Variants in RPS6KA3 observed in about 807,000 individuals in gnomAD.
RPS6KA3 encodes ribosomal protein S6 kinase alpha-3.
A neutral mutation model predicts 67.2 loss-of-function variants in RPS6KA3; 4 were observed. The observed-to-expected ratio is 0.06, with a 90% CI of 0.03 to 0.14. RPS6KA3 has a LOEUF of 0.14. Among genes scored for constraint, RPS6KA3 ranks in the 10% least tolerant of loss-of-function variants. RPS6KA3 has a pLI of 1.00. For synonymous variants in RPS6KA3, 182 were observed against 183.7 expected (o/e 0.99, Z 0.07); for missense variants, 204 against 559.0 (o/e 0.36, Z 6.40).
intron 7 of RPS6KA3, among the ~76,000 whole-genome samples, chrX:20,192,098 A>G (rs898844869): frequency 4.5e-5 from 5 of 111,949 alleles, no homozygotes; most frequent in African/African-American, 9.7e-5. Flanking sequence ...TTACAACTCA[A>G]TAAAGCTGTT....
intron 2 of RPS6KA3, among the ~76,000 whole-genome samples, chrX:20,213,489 C>T (rs900503331): frequency 2.7e-5 from 3 of 111,159 alleles, no homozygotes; most frequent in Non-Finnish European, 3.8e-5. Flanking sequence ...CTAACTCTTC[C>T]CTTTGCAAAA....
intron 4 of RPS6KA3, among the ~76,000 whole-genome samples, chrX:20,197,619 C>A (rs1445930543): frequency 1.8e-5 from 2 of 111,704 alleles, no homozygotes; most frequent in Admixed American, 9.5e-5. Context: ...ATTGATGAGA[C>A]CTTGTTTAAC....
At chrX:20,236,465 A>G (rs1005046476) in intron 1 of RPS6KA3, among the ~76,000 whole-genome samples, 7 of 111,653 alleles carry the variant, frequency 6.3e-5, no homozygotes, top group Non-Finnish European at 9.4e-5. Context: ...CACATGAGGC[A>G]GCTGCTCTAA....
At chrX:20,159,989 C>A (rs894801367) in intron 20 of RPS6KA3, among the ~76,000 whole-genome samples, 2 of 111,874 alleles carry the variant, frequency 1.8e-5, no homozygotes, top group Non-Finnish European at 3.8e-5. Context: ...CATGGAATGA[C>A]CAGCCTGGAG....
chrX:20,169,915 T>C (rs1050857241), intron 15 of RPS6KA3, among the ~76,000 whole-genome samples: 1 of 111,836 alleles, frequency 8.9e-6, no homozygotes, highest in African/African-American at 3.3e-5. Flanking sequence ...ACACCACCAC[T>C]AGCATCTGCT....
rs375972859 is a variant in RPS6KA3 at position 20,155,376 on chromosome X, C to T, written c.*22G>A. The T allele has an allele frequency of 1.5e-4, 183 of 1,207,543 alleles. No homozygotes were observed. The highest frequency in any genetic ancestry group is 3.1e-4 in the Admixed American group (14 of 45,494). On this transcript the variant is annotated 3_prime_UTR_variant, in exon 22 of 22. Coordinates refer to ENST00000379565, the MANE Select transcript of RPS6KA3 (RefSeq NM_004586.3). The stretch of plus-strand genomic sequence containing the variant: ...GTGCTATCAGCTTACACCATGGTAC[C>T]AAATATCTCACTGAGGTCACTTCAC...
intron 20 of RPS6KA3, among the ~76,000 whole-genome samples, chrX:20,160,879 T>C (rs888488913): frequency 1.8e-5 from 2 of 112,165 alleles, no homozygotes; most frequent in African/African-American, 6.5e-5. Context: ...ACTCAAGCTT[T>C]CACCCCTAAG....
intron 20 of RPS6KA3, among the ~76,000 whole-genome samples, chrX:20,157,455 T>A (rs752565179): frequency 8.7e-5 from 9 of 103,996 alleles, no homozygotes; most frequent in Non-Finnish European, 1.4e-4. Flanking sequence ...TGAGCCGTGA[T>A]TGAACCACTG....
intron 2 of RPS6KA3, among the ~76,000 whole-genome samples, chrX:20,222,464 T>A: frequency 9.0e-6 from 1 of 111,606 alleles, no homozygotes; most frequent in Non-Finnish European, 1.9e-5. Flanking sequence ...CTTCCTTTCA[T>A]ATTTAACCCC....
rs920586143 is a variant in RPS6KA3, at chrX:20,150,181, A to T, written c.*5217T>A. 1.4e-4 allele frequency: 16 copies of T among 113,740 alleles called. No homozygotes were observed. The East Asian group carries it at 1.6e-3, about 12-fold the overall frequency. 9.4% of individuals were successfully genotyped at this position (113,740 alleles called of 1,213,427 possible). On this transcript the variant is annotated 3_prime_UTR_variant, in exon 22 of 22. Coordinates refer to ENST00000379565, the MANE Select transcript of RPS6KA3 (RefSeq NM_004586.3). ...AGCATCTGATGCGATTTAACCACCAACAAAAGGTACAATATGTAAGAATTC... is the reference window on the plus strand; with the variant it reads ...AGCATCTGATGCGATTTAACCACCATCAAAAGGTACAATATGTAAGAATTC...
intron 17 of RPS6KA3, among the ~76,000 whole-genome samples, chrX:20,166,292 T>C (rs975313311): frequency 1.1e-4 from 12 of 112,071 alleles, no homozygotes; most frequent in Non-Finnish European, 2.3e-4. Context: ...CTCCAGACTA[T>C]TTTAATAACG....
chrX:20,219,451 T>A (rs2068937361), intron 2 of RPS6KA3, among the ~76,000 whole-genome samples: 1 of 111,906 alleles, frequency 8.9e-6, no homozygotes, highest in Admixed American at 9.5e-5. Flanking sequence ...CTTTTAAAAT[T>A]GTGATGTAAG....
intron 14 of RPS6KA3, among the ~76,000 whole-genome samples, chrX:20,174,943 G>A (rs1057206695): frequency 1.7e-4 from 19 of 110,291 alleles, no homozygotes; most frequent in African/African-American, 5.9e-4. Context: ...AGTAGAGATA[G>A]GGGTTTCACC....
intron 1 of RPS6KA3, among the ~76,000 whole-genome samples, chrX:20,236,935 C>T (rs946462517): frequency 6.3e-5 from 7 of 111,250 alleles, no homozygotes; most frequent in South Asian, 3.8e-4. Context: ...CTCTGTCGTC[C>T]GACATAGAGA....
chrX:20,207,075 C>A (rs4129871), intron 3 of RPS6KA3, among the ~76,000 whole-genome samples: 30,745 of 111,093 alleles, frequency 0.28, 4,960 homozygotes, highest in African/African-American at 0.61. Flanking sequence ...AAGATTAGTT[C>A]ATGCTGGCTA....
At chrX:20,261,426 TA>T (rs1426807326) in intron 1 of RPS6KA3, among the ~76,000 whole-genome samples, 1 of 112,118 alleles carries the variant, frequency 8.9e-6, no homozygotes, top group East Asian at 2.8e-4. Flanking sequence ...GTACAAATAT[TA>T]TTTATCAATT....
chrX:20,219,150 G>C, intron 2 of RPS6KA3, among the ~76,000 whole-genome samples: 1 of 111,780 alleles, frequency 8.9e-6, no homozygotes, highest in East Asian at 2.8e-4. Flanking sequence ...CCAGCAATCC[G>C]GACAATTTTC....
intron 2 of RPS6KA3, among the ~76,000 whole-genome samples, chrX:20,225,668 G>A (rs1281000418): frequency 9.0e-6 from 1 of 111,376 alleles, no homozygotes; most frequent in African/African-American, 3.3e-5. Context: ...CTCTGCTAGG[G>A]CTTCTCTTTC....
intron 1 of RPS6KA3, among the ~76,000 whole-genome samples, chrX:20,245,124 C>T (rs769228691): frequency 8.9e-6 from 1 of 111,862 alleles, no homozygotes; most frequent in African/African-American, 3.3e-5. Context: ...TGAAAGTCTG[C>T]CACTAACTGT....
Sources: gnomAD v4.1 joint callset for allele counts (sites outside exome capture counted in the v4.1 genomes callset) on GRCh38, gnomAD v4.1.1 for gene constraint, MANE v1.5 for transcripts, NCBI Gene and HGNC (gene_info 2026-07-23, HGNC 2026-07-21) for gene names.